The following TBK1 variants were observed in gnomAD, a reference collection of about 807,000 sequenced individuals.
TBK1 encodes the protein TANK binding kinase 1.
Under a neutral mutation model 99.9 loss-of-function variants are expected in TBK1, and 37 were observed. The ratio of observed to expected loss-of-function variants is 0.37; its 90% CI spans 0.28 to 0.49. The LOEUF (loss-of-function observed/expected upper bound fraction) is 0.49. Ranked by LOEUF, TBK1 falls within the 20% of genes least tolerant of loss-of-function variation. The probability of loss-of-function intolerance (pLI) is 0.98; values close to 1 mark genes in which losing one functional copy is unlikely to be tolerated. For synonymous variants in TBK1, 258 were observed against 279.8 expected (o/e 0.92, Z 0.78); for missense variants, 644 against 872.5 (o/e 0.74, Z 3.30).
In TBK1 at chr12:64,474,292, A is replaced by G; in HGVS notation, c.603A>G (p.Thr201=). The change falls in exon 6 of 21, where the codon ACA becomes ACG. Residue 201 remains threonine (T), a synonymous_variant. Coordinates refer to ENST00000331710, the MANE Select transcript of TBK1 (RefSeq NM_013254.4). ...RKDHQKKYGA[T]VDLWSIGVTF... ...ATCATCAGAAGAAATATGGAGCAAC[A>G]GTTGATCTTTGGAGCATTGGGGTAA... 1 of 1,614,006 alleles carries G rather than the reference A, an allele frequency of 6.2e-7. No individual in the cohort carries two copies. The highest frequency in any genetic ancestry group is 2.2e-5 in the East Asian group (1 of 44,862).
At position 64,495,638 on chromosome 12, in the gene TBK1, T is replaced by C. The variant is rs756395249; in HGVS notation, c.1643+34T>C. 1.9e-6 allele frequency: 3 copies of C among 1,612,962 alleles called. No individual in the cohort carries two copies. The Admixed American group carries it at 5.0e-5, about 27-fold the overall frequency. ...TAGCTTTATGCGTAGTTTCTGCTCT[T>C]ATTAATGTCCTTTTTCACATTGACT... is the stretch of plus-strand genomic sequence containing the variant. On this transcript the variant is annotated intron_variant, in intron 14 of 20. Coordinates refer to ENST00000331710, the MANE Select transcript of TBK1 (RefSeq NM_013254.4).
intron 6 of TBK1, among the ~76,000 whole-genome samples, chr12:64,479,320 A>G (rs894795742): frequency 7.2e-5 from 11 of 152,226 alleles, no homozygotes; most frequent in African/African-American, 2.7e-4. Flanking sequence ...TAGTTGTCAC[A>G]TGAACACACC....
At chr12:64,495,088 C>T (rs1333019698) in intron 13 of TBK1, among the ~76,000 whole-genome samples, 1 of 152,130 alleles carries the variant, frequency 6.6e-6, no homozygotes. Flanking sequence ...ACAAGAAGAG[C>T]ACAAATCTTG....
At chr12:64,463,478 T>A (rs1030600087) in intron 3 of TBK1, among the ~76,000 whole-genome samples, 6 of 151,598 alleles carry the variant, frequency 4.0e-5, no homozygotes, top group African/African-American at 1.5e-4. Flanking sequence ...GCAGGCAGAT[T>A]GCTTGAGCCC....
At chr12:64,497,349 A>G (rs2040938538) in intron 18 of TBK1, 90 bp downstream of exon 18, 1 of 973,682 alleles carries the variant, frequency 1.0e-6, no homozygotes, top group Non-Finnish European at 1.5e-6. Context: ...GAATGTGCCT[A>G]CATTCAGTTC....
intron 6 of TBK1, among the ~76,000 whole-genome samples, chr12:64,476,479 G>C (rs1209982397): frequency 6.6e-6 from 1 of 152,050 alleles, no homozygotes; most frequent in Non-Finnish European, 1.5e-5. Flanking sequence ...TTTGAGGAGA[G>C]TGTATTCATG....
intron 12 of TBK1, among the ~76,000 whole-genome samples, chr12:64,488,997 C>A (rs945902344): frequency 2.0e-5 from 3 of 152,024 alleles, no homozygotes; most frequent in Non-Finnish European, 2.9e-5. Context: ...TCTCAAAAAA[C>A]AAAATAAAAT....
At chr12:64,499,985 C>T (rs1228970257) in intron 20 of TBK1, among the ~76,000 whole-genome samples, 10 of 152,014 alleles carry the variant, frequency 6.6e-5, no homozygotes, top group Non-Finnish European at 1.0e-4. Flanking sequence ...CGTGAGCCAC[C>T]GTGCCCAGCC....
At chr12:64,462,422 A>G (rs990606280) in intron 3 of TBK1, among the ~76,000 whole-genome samples, 2 of 152,246 alleles carry the variant, frequency 1.3e-5, no homozygotes, top group Admixed American at 1.3e-4. Flanking sequence ...TAACATATAC[A>G]GTGTAATATG....
At chr12:64,490,537 G>A (rs749487712) in intron 13 of TBK1, among the ~76,000 whole-genome samples, 1 of 151,970 alleles carries the variant, frequency 6.6e-6, no homozygotes, top group Non-Finnish European at 1.5e-5. Flanking sequence ...CTCTCTCGGT[G>A]TTTAAATCCA....
rs1486001324 is a variant in TBK1, at chr12:64,496,498, A to C, written c.1760+92A>C. The C allele has an allele frequency of 5.0e-6, 3 of 594,422 alleles. No homozygotes were observed. The Admixed American group carries it at 1.1e-4, about 22-fold the overall frequency. The allele number at this position is 594,422 out of a possible 1,614,324, so 36.8% of individuals were successfully genotyped here. A position where few individuals can be genotyped will look rare whatever the true frequency, so the allele number is the denominator to read the frequency against. On this transcript the variant is annotated intron_variant, in intron 16 of 20. Transcript: ENST00000331710. ...TCTTCTTAAAGTTGAAATTAATTAC[A>C]ATTTAAAAATACATTTTAATCTTGA...
At chr12:64,485,837 A>G in intron 10 of TBK1, 89 bp from the exon 11 acceptor site, 1 of 890,180 alleles carries the variant, frequency 1.1e-6, no homozygotes, top group Non-Finnish European at 1.6e-6. Flanking sequence ...CCTGATAAAA[A>G]TGTGTAAGCT....
At chr12:64,453,584 A>G (rs2040452837) in intron 1 of TBK1, among the ~76,000 whole-genome samples, 1 of 152,190 alleles carries the variant, frequency 6.6e-6, no homozygotes, top group African/African-American at 2.4e-5. Context: ...ACCCCTGACC[A>G]TTCTGCATTT....
chr12:64,467,199 T>G, intron 5 of TBK1, 117 bp downstream of exon 5: 1 of 777,546 alleles, frequency 1.3e-6, no homozygotes. Context: ...AAAATTAAAT[T>G]TTCTATTCTA....
At chr12:64,486,916 C>G (rs2040826128) in intron 11 of TBK1, among the ~76,000 whole-genome samples, 1 of 152,072 alleles carries the variant, frequency 6.6e-6, no homozygotes, top group Admixed American at 6.6e-5. Context: ...TAGGCAACCA[C>G]TAATATACTG....
intron 15 of TBK1, 151 bp downstream of exon 15, chr12:64,495,926 T>TTAAA: frequency 1.8e-5 from 7 of 385,960 alleles, no homozygotes; most frequent in East Asian, 5.0e-5. Context: ...TTGATTGTGT[T>TTAAA]AAAAAAAAAA....
At chr12:64,493,757 G>A (rs1485058228) in intron 13 of TBK1, among the ~76,000 whole-genome samples, 2 of 152,200 alleles carry the variant, frequency 1.3e-5, no homozygotes, top group African/African-American at 4.8e-5. Context: ...GCAGAACCCA[G>A]CAAAGGCCCT....
chr12:64,487,095 A>G (rs1341136419), intron 11 of TBK1, among the ~76,000 whole-genome samples: 1 of 152,212 alleles, frequency 6.6e-6, no homozygotes, highest in Non-Finnish European at 1.5e-5. Flanking sequence ...AGTGACTCTA[A>G]GAAATGTAAG....
At chr12:64,468,926 G>A (rs1027653856) in intron 5 of TBK1, among the ~76,000 whole-genome samples, 4 of 151,838 alleles carry the variant, frequency 2.6e-5, no homozygotes, top group African/African-American at 7.3e-5. Context: ...CATACTCCTC[G>A]GCAGTTCCCT....
Sources: gnomAD v4.1 joint callset for allele counts (sites outside exome capture counted in the v4.1 genomes callset) on GRCh38, gnomAD v4.1.1 for gene constraint, MANE v1.5 for transcripts, NCBI Gene and HGNC (gene_info 2026-07-23, HGNC 2026-07-21) for gene names.